The following RYR1 variants were observed in gnomAD, a reference collection of about 807,000 sequenced individuals.
RYR1 encodes the protein central core disease of muscle.
Under a neutral mutation model 583.5 loss-of-function variants are expected in RYR1, and 342 were observed. The ratio of observed to expected loss-of-function variants is 0.59; its 90% confidence interval spans 0.54 to 0.64. The LOEUF (loss-of-function observed/expected upper bound fraction) is 0.64, where lower values mean the gene tolerates loss of function less well. RYR1 is among the 30% of genes least tolerant of loss of function. RYR1 has a pLI of 0.00. For missense variants in RYR1, 6,032 were observed against 6,917.2 expected, an observed-to-expected ratio of 0.87 and a Z score of 4.54; for synonymous variants, 2,791 against 2,822.5, an observed-to-expected ratio of 0.99 and a Z score of 0.35.
chr19:38,446,897 C>A, intron 9 of RYR1, 129 bp downstream of exon 9: 1 of 713,382 alleles, frequency 1.4e-6, no homozygotes. Context: ...ATCAGAGCAG[C>A]CTGAGAGAGA....
At chr19:38,481,158 A>G (rs911945457) in intron 31 of RYR1, among the ~76,000 whole-genome samples, 1 of 151,816 alleles carries the variant, frequency 6.6e-6, no homozygotes, top group African/African-American at 2.4e-5. Context: ...ACAGGGTCTC[A>G]TTCTGTCACC....
At chr19:38,450,022 GCTC>G (rs1385467562) in intron 11 of RYR1, among the ~76,000 whole-genome samples, 1 of 152,196 alleles carries the variant, frequency 6.6e-6, no homozygotes, top group African/African-American at 2.4e-5. Flanking sequence ...GTGAGCCACT[GCTC>G]CTGGCCAGGT....
Position 38,523,053 on chromosome 19 carries a change from C to G in RYR1, c.10285C>G (p.Pro3429Ala). The part of the protein sequence containing the change: ...NRAQWLTEPN[P>A]SAEELFRMVG... ...GGCGCAGTGGCTGACGGAGCCGAAT[C>G]CCAGCGCGGAGGAGCTGTTCAGGAT... The change falls in exon 68 of 106, where the codon CCC (proline) becomes GCC (alanine). Residue 3429 changes from proline to alanine, a missense_variant. Pro to Ala is a conservative substitution (Grantham distance 27). Transcript: ENST00000359596. 6.2e-7 allele frequency: 1 copy of G among 1,608,796 alleles called. No individual in the cohort carries two copies. The highest frequency in any genetic ancestry group is 8.5e-7 in the Non-Finnish European group (1 of 1,178,482).
At chr19:38,560,227 G>GTGCC (rs1973064683) in intron 89 of RYR1, among the ~76,000 whole-genome samples, 1 of 152,124 alleles carries the variant, frequency 6.6e-6, no homozygotes, top group Non-Finnish European at 1.5e-5. Context: ...ACCAGGCACA[G>GTGCC]TGGCATGCAC....
chr19:38,573,158 GCCT>G lies in RYR1; in HGVS notation c.13999-13_13999-11del, dbSNP rs1433316639. Reference sequence around the variant, plus strand: ...CCAAGGTGCCTGACGCCCACCTTTGGCCTCCTCCCACTATCCAGGTGCCCCTGG... The same window carrying G: ...CCAAGGTGCCTGACGCCCACCTTTGGCCTCCCACTATCCAGGTGCCCCTGG... On this transcript the variant is annotated splice_polypyrimidine_tract_variant and intron_variant, in intron 95 of 105. Coordinates refer to ENST00000359596, the MANE Select transcript of RYR1 (RefSeq NM_000540.3). 1.2e-6 allele frequency: 2 copies of G among 1,613,312 alleles called. No homozygotes were observed. The highest frequency in any genetic ancestry group is 2.7e-5 in the African/African-American group (2 of 74,912).
At chr19:38,510,985 G>A (rs973376866) in intron 60 of RYR1, among the ~76,000 whole-genome samples, 5 of 152,114 alleles carry the variant, frequency 3.3e-5, no homozygotes, top group Admixed American at 6.5e-5. Context: ...GGGACAAATC[G>A]ATCACCCTGT....
rs182393168 is a variant in RYR1 at position 38,456,374 on chromosome 19, C to T, written c.1791+623C>T. Among the ~76,000 whole-genome samples, 114 of 142,062 alleles carry T rather than the reference C, an allele frequency of 8.0e-4. 1 individual carries two copies. Among genetic ancestry groups the T allele is most frequent in the Middle Eastern group, 4.7e-3 (1 of 214 alleles). 93.2% of individuals were successfully genotyped at this position (142,062 alleles called of 152,430 possible). On this transcript the variant is annotated intron_variant, in intron 16 of 105. Transcript: ENST00000359596. ...TCAGCTCACTGCAACCTCTGCTTCC[C>T]GGGTTCAAGCAATTCTCCTGCCTCA...
chr19:38,545,126 C>T (rs543216458), intron 87 of RYR1, among the ~76,000 whole-genome samples: 2 of 152,264 alleles, frequency 1.3e-5, no homozygotes, highest in Non-Finnish European at 2.9e-5. Flanking sequence ...TCACATGTCC[C>T]TCCCTGAACC....
At chr19:38,570,542 G>C (rs1973667866) in intron 93 of RYR1, 65 bp from the exon 94 acceptor site, 1 of 1,207,584 alleles carries the variant, frequency 8.3e-7, no homozygotes, top group Non-Finnish European at 1.2e-6. Context: ...GTAAATGATG[G>C]GATGAATTCT....
intron 39 of RYR1, among the ~76,000 whole-genome samples, chr19:38,495,987 T>G (rs907224593): frequency 2.0e-5 from 3 of 152,124 alleles, no homozygotes; most frequent in African/African-American, 7.2e-5. Flanking sequence ...GATCTCGATC[T>G]CCTGACCTCA....
chr19:38,477,080 A>G (rs938389055), intron 29 of RYR1, among the ~76,000 whole-genome samples: 9 of 151,744 alleles, frequency 5.9e-5, no homozygotes, highest in African/African-American at 1.9e-4. Context: ...GAAGAAGAAG[A>G]AGGAAAGAAA....
chr19:38,576,424 G>C (rs533832652), intron 97 of RYR1, among the ~76,000 whole-genome samples: 42 of 152,248 alleles, frequency 2.8e-4, no homozygotes, highest in African/African-American at 9.9e-4. Flanking sequence ...ACTACAGCCT[G>C]GGTGAAAGAG....
At chr19:38,461,048 T>A (rs1211723612) in intron 20 of RYR1, among the ~76,000 whole-genome samples, 1 of 152,026 alleles carries the variant, frequency 6.6e-6, no homozygotes, top group Non-Finnish European at 1.5e-5. Context: ...TCCCAGCTAC[T>A]CGGGAGGCTG....
At position 38,532,514 on chromosome 19, in the gene RYR1, C is replaced by T. The variant is rs1227387203; in HGVS notation, c.11166C>T (p.Tyr3722=). ...GCAAACTGGATGAGGATTACCTGTA[C>T]ATGGCCTATGCTGATATCATGGCAA... The part of the protein sequence containing the change: ...EKSKLDEDYL[Y]MAYADIMAKS... The change falls in exon 77 of 106, where the codon TAC becomes TAT. Residue 3722 remains tyrosine (Y), a synonymous_variant. Transcript: ENST00000359596. 4.3e-6 allele frequency: 7 copies of T among 1,614,208 alleles called. No homozygotes were observed. In the South Asian group the frequency reaches 7.7e-5, roughly 18 times the overall value.
intron 69 of RYR1, 116 bp from the exon 70 acceptor site, chr19:38,523,799 A>T (rs2145705337): frequency 1.5e-6 from 2 of 1,370,614 alleles, no homozygotes; most frequent in Non-Finnish European, 2.1e-6. Flanking sequence ...CCAGCTAGAG[A>T]ATACATGGCG....
At chr19:38,558,712 G>A (rs1279813191) in intron 89 of RYR1, among the ~76,000 whole-genome samples, 2 of 152,224 alleles carry the variant, frequency 1.3e-5, no homozygotes, top group Non-Finnish European at 2.9e-5. Context: ...CCTGGAGGCA[G>A]AGGTTTCAGT....
Position 38,587,442 on chromosome 19 carries a change from ACC to A in RYR1, c.*26_*27del, listed in dbSNP as rs764951357. 2.9e-5 allele frequency: 46 copies of A among 1,577,494 alleles called. 2 individuals carry two copies. In the South Asian group the frequency reaches 5.1e-4, roughly 17 times the overall value. Reference sequence around the variant, plus strand: ...CTGACACACCCCCAGCTGGCCCTCCACCCCCACCTCAAGTGCCTTATTCTCAC... The same window carrying A: ...CTGACACACCCCCAGCTGGCCCTCCACCCACCTCAAGTGCCTTATTCTCAC... On this transcript the variant is annotated 3_prime_UTR_variant, in exon 106 of 106. Coordinates refer to ENST00000359596, the MANE Select transcript of RYR1 (RefSeq NM_000540.3).
rs1236523624 is a variant in RYR1 at position 38,565,104 on chromosome 19, C to G, written c.12770C>G (p.Pro4257Arg). The G allele has an allele frequency of 1.3e-6, 2 of 1,545,930 alleles. No individual in the cohort carries two copies. Among genetic ancestry groups the G allele is most frequent in the Non-Finnish European group, 1.7e-6 (2 of 1,149,074 alleles). Residue 4257 changes from proline to arginine, a missense_variant, in exon 91 of 106, where the codon CCG (proline) becomes CGG (arginine). Around this residue, in one of 11 missense-constraint regions of RYR1, gnomAD observed 753 missense variants for 759.6 expected, o/e 0.99. Transcript: ENST00000359596. The surrounding 1 kb of genome is among the most constrained non-coding windows in gnomAD (Gnocchi z 4.7). The part of the protein sequence containing the change: ...AAQISEPEGE[P>R]ETDEDEGAGA... ...CAGATCTCGGAGCCCGAGGGCGAGC[C>G]GGAGACCGACGAGGACGAGGGCGCG...
chr19:38,575,966 G>A lies in RYR1; in HGVS notation c.14172+5G>A. The A allele has an allele frequency of 6.2e-7, 1 of 1,614,170 alleles. No individual in the cohort carries two copies. Among genetic ancestry groups the A allele is most frequent in the East Asian group, 2.2e-5 (1 of 44,880 alleles). On this transcript the variant is annotated splice_donor_5th_base_variant and intron_variant, in intron 97 of 105. Transcript: ENST00000359596. ...GACAAGTTTGTCAAGCGCAAGGTGA[G>A]AGGACATGGATGCCCTGGGTCCTGG...
Sources: allele counts gnomAD v4.1 joint callset (sites outside exome capture counted in the v4.1 genomes callset), GRCh38; gene constraint gnomAD v4.1.1; regional missense constraint gnomAD v4.1.1; non-coding constraint Gnocchi (gnomAD v3.1); transcripts MANE v1.5; gene names NCBI Gene and HGNC (gene_info 2026-07-23, HGNC 2026-07-21).